SEPTIN10: variants seen among roughly 807,000 people sequenced by gnomAD.
SEPTIN10 encodes septin 10.
Under a neutral mutation model 54.8 loss-of-function variants are expected in SEPTIN10, and 66 were observed. That is an observed-to-expected ratio of 1.21 (90% CI 0.99 to 1.48). SEPTIN10 has a LOEUF of 1.48. SEPTIN10 is among the 40% of genes most tolerant of loss of function. The pLI is 0.00. For missense variants in SEPTIN10, 620 were observed against 545.6 expected, an observed-to-expected ratio of 1.14 and a Z score of -1.36; for synonymous variants, 161 against 181.0, an observed-to-expected ratio of 0.89 and a Z score of 0.89.
intron 3 of SEPTIN10, 31 bp downstream of exon 3, chr2:109,585,690 A>G (rs1406011671): frequency 7.0e-7 from 1 of 1,435,190 alleles, no homozygotes; most frequent in Non-Finnish European, 9.8e-7. Context: ...ATATGAAGGA[A>G]CAACTTAGAG....
At chr2:109,549,712 C>G (rs1215589476) in intron 9 of SEPTIN10, among the ~76,000 whole-genome samples, 1 of 152,166 alleles carries the variant, frequency 6.6e-6, no homozygotes, top group South Asian at 2.1e-4. Context: ...CCTGAAACCA[C>G]AGGTAGTACC....
chr2:109,548,414 G>A (rs1681890162), intron 9 of SEPTIN10, among the ~76,000 whole-genome samples: 1 of 152,186 alleles, frequency 6.6e-6, no homozygotes, highest in Non-Finnish European at 1.5e-5. Flanking sequence ...AGCTGGGCGT[G>A]ATGGCTCATT....
intron 8 of SEPTIN10, among the ~76,000 whole-genome samples, chr2:109,554,638 A>T (rs1683928732): frequency 6.6e-6 from 1 of 152,228 alleles, no homozygotes; most frequent in Non-Finnish European, 1.5e-5. Context: ...AACTCCACAC[A>T]GACAGTGGCC....
chr2:109,585,185 T>G lies in SEPTIN10; in HGVS notation c.354A>C (p.Gln118His). ...QTYELQESNV[Q>H]LKLTIVNTVG... ...CTGTATTCACAATGGTCAATTTCAA[T>G]TGAACATTACTTTCCTGGAGTTCAT... The change falls in exon 4 of 11, where the codon CAA (glutamine) becomes CAC (histidine). Residue 118 changes from glutamine to histidine, a missense_variant. By Grantham distance (24) the Gln-to-His change is conservative. Transcript: ENST00000397712. 1.2e-6 allele frequency: 2 copies of G among 1,610,918 alleles called. No homozygotes were observed. Among genetic ancestry groups the G allele is most frequent in the Non-Finnish European group, 1.7e-6 (2 of 1,178,572 alleles).
chr2:109,552,431 C>T (rs1346469791), intron 9 of SEPTIN10: 1 of 152,220 alleles, frequency 6.6e-6, no homozygotes, highest in Admixed American at 6.5e-5. Flanking sequence ...GGTTAAGATA[C>T]TTCTTAGTAA....
chr2:109,563,032 T>C (rs1332290403), intron 8 of SEPTIN10, among the ~76,000 whole-genome samples: 1 of 152,030 alleles, frequency 6.6e-6, no homozygotes, highest in Non-Finnish European at 1.5e-5. Context: ...TACCTCAGCC[T>C]CCTGAGTAGC....
chr2:109,574,441 T>C (rs1229144560), intron 5 of SEPTIN10, 140 bp downstream of exon 5: 23 of 335,932 alleles, frequency 6.8e-5, no homozygotes, highest in Non-Finnish European at 9.1e-5. Flanking sequence ...TGACTTTATC[T>C]CTAAAAAAAA....
At chr2:109,573,527 G>A (rs150340847) in intron 5 of SEPTIN10, among the ~76,000 whole-genome samples, 1 of 152,326 alleles carries the variant, frequency 6.6e-6, no homozygotes, top group African/African-American at 2.4e-5. Flanking sequence ...AGGGGACCAA[G>A]CAACTAGTCA....
intron 5 of SEPTIN10, among the ~76,000 whole-genome samples, chr2:109,568,460 C>T (rs1687596650): frequency 6.6e-6 from 1 of 151,420 alleles, no homozygotes; most frequent in Admixed American, 6.6e-5. Context: ...CAACCACTGC[C>T]TTCTGGGTTC....
chr2:109,577,787 A>C lies in SEPTIN10; in HGVS notation c.414-3020T>G, dbSNP rs566499136. On this transcript the variant is annotated intron_variant, in intron 4 of 10. Transcript: ENST00000397712. ...AATTAGCCAGGTGGGGTGGTGTGTG[A>C]CTGCAGTACCAGCTACACAGGAGGC... Among the ~76,000 whole-genome samples the C allele has an allele frequency of 9.3e-4, 140 of 150,130 alleles. 1 individual carries two copies. Among genetic ancestry groups the C allele is most frequent in the African/African-American group, 3.4e-3 (139 of 40,798 alleles).
chr2:109,611,675 C>T (rs761688380), intron 1 of SEPTIN10, among the ~76,000 whole-genome samples: 26 of 152,012 alleles, frequency 1.7e-4, no homozygotes, highest in Non-Finnish European at 2.8e-4. Context: ...GCAGGAGGAT[C>T]GCTTGAGCCC....
At chr2:109,590,209 G>A (rs1182319834) in intron 2 of SEPTIN10, among the ~76,000 whole-genome samples, 4 of 151,952 alleles carry the variant, frequency 2.6e-5, no homozygotes, top group African/African-American at 9.7e-5. Flanking sequence ...GTTGGGGTGA[G>A]AAGAAATCGC....
At chr2:109,587,680 G>A (rs1021225146) in intron 2 of SEPTIN10, among the ~76,000 whole-genome samples, 3 of 152,102 alleles carry the variant, frequency 2.0e-5, no homozygotes, top group East Asian at 3.9e-4. Context: ...TTGGGAGGCC[G>A]AGGCGGGTGG....
At chr2:109,602,589 C>T (rs1696853115) in intron 1 of SEPTIN10, among the ~76,000 whole-genome samples, 1 of 151,206 alleles carries the variant, frequency 6.6e-6, no homozygotes. Flanking sequence ...GCAGGAGAAT[C>T]GCTTGAACCT....
At chr2:109,585,055 G>A (rs1692152362) in intron 4 of SEPTIN10, 71 bp downstream of exon 4, 2 of 844,122 alleles carry the variant, frequency 2.4e-6, no homozygotes, top group South Asian at 2.5e-5. Context: ...TCAAATCATA[G>A]TTCATGGGGC....
chr2:109,585,083 G>A (rs780485673), intron 4 of SEPTIN10, 43 bp downstream of exon 4: 1 of 1,323,738 alleles, frequency 7.6e-7, no homozygotes, highest in East Asian at 2.4e-5. Context: ...CGAATGTCTT[G>A]AAATAAGAAA....
intron 1 of SEPTIN10, among the ~76,000 whole-genome samples, chr2:109,607,532 C>T (rs896317513): frequency 6.6e-6 from 1 of 152,066 alleles, no homozygotes; most frequent in Non-Finnish European, 1.5e-5. Context: ...CAAAGCTCAA[C>T]CTTATCTGAA....
intron 1 of SEPTIN10, among the ~76,000 whole-genome samples, chr2:109,609,822 T>C (rs1339723917): frequency 6.6e-6 from 1 of 152,048 alleles, no homozygotes; most frequent in Non-Finnish European, 1.5e-5. Flanking sequence ...GGTCACCACT[T>C]AAAAGGTAAG....
intron 4 of SEPTIN10, among the ~76,000 whole-genome samples, chr2:109,581,179 C>T (rs771926610): frequency 3.9e-5 from 6 of 152,168 alleles, no homozygotes; most frequent in African/African-American, 7.2e-5. Context: ...GTGGCTCACG[C>T]CTGTAATCCC....
Sources: allele counts gnomAD v4.1 joint callset (sites outside exome capture counted in the v4.1 genomes callset), GRCh38; gene constraint gnomAD v4.1.1; transcripts MANE v1.5; gene names NCBI Gene and HGNC (gene_info 2026-07-23, HGNC 2026-07-21).